Variants in MIR2052HG observed in about 807,000 individuals in gnomAD.
MIR2052HG encodes MIR2052 host gene.
intron 2 of MIR2052HG, among the ~76,000 whole-genome samples, chr8:74,699,422 A>G (rs966773871): frequency 3.3e-5 from 5 of 151,420 alleles, no homozygotes; most frequent in African/African-American, 9.7e-5. Context: ...GTGTGTATAT[A>G]TATATATATA....
At chr8:74,604,303 G>T in intron 1 of MIR2052HG, 4 of 710,454 alleles carry the variant, frequency 5.6e-6, no homozygotes, top group South Asian at 4.3e-5. Context: ...TCACTGATGG[G>T]GGGTGAAAGC....
intron 4 of MIR2052HG, among the ~76,000 whole-genome samples, chr8:74,738,117 G>GTATCTGT (rs1427081903): frequency 2.6e-5 from 3 of 114,952 alleles, no homozygotes; most frequent in African/African-American, 1.3e-4. Context: ...ATGTATGTAT[G>GTATCTGT]TATGTATGTA....
At chr8:74,752,443 C>A (rs140120899) in exon 5 of MIR2052HG, 15 of 443,022 alleles carry the variant, frequency 3.4e-5, no homozygotes, top group African/African-American at 3.1e-4. Context: ...TGCACTAGGC[C>A]CGCGTTCAGT....
intron 2 of MIR2052HG, among the ~76,000 whole-genome samples, chr8:74,632,221 C>T (rs76499389): frequency 0.043 from 6,576 of 152,080 alleles, 228 homozygotes; most frequent in Non-Finnish European, 0.053. Flanking sequence ...TGTCGGAGGA[C>T]GTATTGATAG....
intron 4 of MIR2052HG, among the ~76,000 whole-genome samples, chr8:74,748,924 G>A (rs560839844): frequency 6.6e-6 from 1 of 152,236 alleles, no homozygotes; most frequent in East Asian, 1.9e-4. Context: ...GAGAGAATCA[G>A]GCTTGTTGAG....
intron 1 of MIR2052HG, chr8:74,604,133 T>C (rs1808071359): frequency 1.1e-6 from 1 of 891,076 alleles, no homozygotes; most frequent in South Asian, 1.3e-5. Flanking sequence ...TCGCGCATCT[T>C]CTTAACTGAT....
chr8:74,732,177 A>T (rs995026272), intron 4 of MIR2052HG, among the ~76,000 whole-genome samples: 1 of 152,204 alleles, frequency 6.6e-6, no homozygotes, highest in Non-Finnish European at 1.5e-5. Context: ...AGCAAAAATT[A>T]AAAAATACAG....
intron 2 of MIR2052HG, chr8:74,628,868 G>A (rs1808471511): frequency 6.7e-6 from 1 of 149,294 alleles, no homozygotes; most frequent in Non-Finnish European, 1.5e-5. Flanking sequence ...TGGTGGCCCA[G>A]GAAGCAGAAA....
intron 2 of MIR2052HG, among the ~76,000 whole-genome samples, chr8:74,699,832 G>T (rs1013826189): frequency 6.6e-6 from 1 of 152,062 alleles, no homozygotes; most frequent in Non-Finnish European, 1.5e-5. Flanking sequence ...ATGGTAAAAT[G>T]CCGTGTAAGT....
intron 2 of MIR2052HG, among the ~76,000 whole-genome samples, chr8:74,695,071 C>T (rs1809281625): frequency 6.6e-6 from 1 of 152,010 alleles, no homozygotes; most frequent in Non-Finnish European, 1.5e-5. Flanking sequence ...CATCAGGTAA[C>T]ATATAAAGGA....
chr8:74,622,641 A>G (rs1447352404), intron 2 of MIR2052HG, among the ~76,000 whole-genome samples: 4 of 152,074 alleles, frequency 2.6e-5, no homozygotes, highest in African/African-American at 9.7e-5. Flanking sequence ...GAAAAGACGA[A>G]AAAAGAAAAA....
intron 2 of MIR2052HG, among the ~76,000 whole-genome samples, chr8:74,630,528 GA>G (rs200428495): frequency 0.089 from 11,198 of 125,964 alleles, 565 homozygotes; most frequent in African/African-American, 0.16. Flanking sequence ...AGATTTCTCT[GA>G]AAAAAAAAAA....
chr8:74,632,454 C>T (rs1175296816), intron 2 of MIR2052HG: 1 of 152,028 alleles, frequency 6.6e-6, no homozygotes, highest in Non-Finnish European at 1.5e-5. Context: ...ACTTACCTCT[C>T]ATCAGCTCAT....
chr8:74,657,481 G>A (rs569244913), intron 2 of MIR2052HG, among the ~76,000 whole-genome samples: 56 of 152,240 alleles, frequency 3.7e-4, no homozygotes, highest in Non-Finnish European at 7.4e-4. Context: ...CTGCCCAGGA[G>A]TCTATTAGAA....
intron 2 of MIR2052HG, among the ~76,000 whole-genome samples, chr8:74,651,685 C>T (rs72667581): frequency 0.048 from 7,344 of 152,172 alleles, 241 homozygotes; most frequent in Middle Eastern, 0.088. Context: ...GGCCAGAGAA[C>T]TTCCTTTTTA....
At chr8:74,650,947 A>C (rs1397652716) in intron 2 of MIR2052HG, among the ~76,000 whole-genome samples, 2 of 152,126 alleles carry the variant, frequency 1.3e-5, no homozygotes, top group Non-Finnish European at 2.9e-5. Flanking sequence ...TTGATAATTC[A>C]AATACTGCCA....
intron 1 of MIR2052HG, among the ~76,000 whole-genome samples, chr8:74,600,254 G>C (rs1807974647): frequency 6.6e-6 from 1 of 151,768 alleles, no homozygotes; most frequent in Non-Finnish European, 1.5e-5. Flanking sequence ...GCTCCTCCCT[G>C]AAAGCTCTGT....
At chr8:74,731,236 T>C (rs1809689721) in intron 4 of MIR2052HG, among the ~76,000 whole-genome samples, 1 of 152,174 alleles carries the variant, frequency 6.6e-6, no homozygotes, top group Non-Finnish European at 1.5e-5. Context: ...CCTCTGAAAG[T>C]TAGCAACAGG....
At chr8:74,632,749 T>G (rs1371302328) in intron 2 of MIR2052HG, among the ~76,000 whole-genome samples, 1 of 152,170 alleles carries the variant, frequency 6.6e-6, no homozygotes, top group East Asian at 1.9e-4. Flanking sequence ...GGTGAGATAA[T>G]TATCATGGGA....
Sources: gnomAD v4.1 joint callset for allele counts (sites outside exome capture counted in the v4.1 genomes callset) on GRCh38, gnomAD v4.1.1 for gene constraint, MANE v1.5 for transcripts, NCBI Gene and HGNC (gene_info 2026-07-23, HGNC 2026-07-21) for gene names.